Variants in ATAD1 observed in about 807,000 individuals in gnomAD.
ATAD1 encodes the protein outer mitochondrial transmembrane helix translocase.
In ATAD1, 18 loss-of-function variants were observed where a neutral mutation model predicts 42.7. The observed-to-expected ratio is 0.42, with a 90% CI of 0.29 to 0.63. The LOEUF is 0.63. Ranked by LOEUF, ATAD1 falls within the 20% of genes least tolerant of loss-of-function variation. The pLI is 0.19. For missense variants in ATAD1, 294 were observed against 440.4 expected (o/e 0.67, Z 2.98); for synonymous variants, 132 against 143.1 (o/e 0.92, Z 0.55).
intron 1 of ATAD1, among the ~76,000 whole-genome samples, chr10:87,834,944 C>A (rs1406672547): frequency 6.6e-6 from 1 of 151,848 alleles, no homozygotes; most frequent in Non-Finnish European, 1.5e-5. Context: ...GAATCCTATT[C>A]CACAAATTTT....
At chr10:87,819,282 A>AAAAAAC (rs1857575950), upstream of ATAD1, 2 of 150,566 alleles carry the variant, frequency 1.3e-5, no homozygotes, top group Admixed American at 1.3e-4. Context: ...AAAAAAAAAA[A>AAAAAAC]AAAAAAAAAC....
At chr10:87,766,566 T>G (rs1854759515) in intron 8 of ATAD1, among the ~76,000 whole-genome samples, 1 of 152,178 alleles carries the variant, frequency 6.6e-6, no homozygotes, top group African/African-American at 2.4e-5. Context: ...AAATAACATA[T>G]GAGGCCAGGA....
chr10:87,797,958 C>T (rs1161197641), intron 2 of ATAD1, among the ~76,000 whole-genome samples: 1 of 152,094 alleles, frequency 6.6e-6, no homozygotes, highest in Non-Finnish European at 1.5e-5. Context: ...TTTGCTCCCC[C>T]CAGCCAAAAG....
chr10:87,790,958 C>T (rs1248187137), intron 3 of ATAD1, among the ~76,000 whole-genome samples: 4 of 142,726 alleles, frequency 2.8e-5, no homozygotes, highest in East Asian at 2.1e-4. Flanking sequence ...CCAAGGTGAG[C>T]GGATCACTTG....
chr10:87,781,869 T>A (rs888786532), intron 5 of ATAD1, among the ~76,000 whole-genome samples: 2 of 152,054 alleles, frequency 1.3e-5, no homozygotes, highest in Admixed American at 1.3e-4. Context: ...GGTCTCAAAT[T>A]ATTGGACTCA....
intron 8 of ATAD1, among the ~76,000 whole-genome samples, chr10:87,765,293 TACAGTGAGTTGTA>T (rs1372113734): frequency 1.3e-5 from 2 of 152,230 alleles, no homozygotes; most frequent in Middle Eastern, 6.8e-3. Flanking sequence ...TATTAGTTTA[TACAGTGAGTTGTA>T]ACAGTGAGTT....
At chr10:87,818,361 C>T (rs1450560589), upstream of ATAD1, 6 of 620,342 alleles carry the variant, frequency 9.7e-6, no homozygotes, top group Non-Finnish European at 1.2e-5. Flanking sequence ...ATTCGCGCAC[C>T]TGATGTCTGC....
At chr10:87,775,806 A>G (rs992125093) in intron 6 of ATAD1, among the ~76,000 whole-genome samples, 3 of 152,200 alleles carry the variant, frequency 2.0e-5, no homozygotes, top group African/African-American at 7.2e-5. Flanking sequence ...TCTGTCTCGT[A>G]TAAAATTGGG....
intron 5 of ATAD1, among the ~76,000 whole-genome samples, chr10:87,780,729 T>G (rs758970413): frequency 6.6e-6 from 1 of 152,246 alleles, no homozygotes; most frequent in East Asian, 1.9e-4. Flanking sequence ...TCTGTTGTGT[T>G]TGTATACACA....
intron 8 of ATAD1, among the ~76,000 whole-genome samples, chr10:87,760,256 C>T (rs1854420392): frequency 6.6e-6 from 1 of 152,072 alleles, no homozygotes; most frequent in Admixed American, 6.6e-5. Flanking sequence ...GGGGAGGGAC[C>T]TGGTGGGAAG....
chr10:87,809,167 C>T (rs1164362413), intron 2 of ATAD1, among the ~76,000 whole-genome samples: 2 of 152,090 alleles, frequency 1.3e-5, no homozygotes, highest in Admixed American at 6.5e-5. Flanking sequence ...AATTTATCGA[C>T]GTAACAGTTG....
Position 87,814,516 on chromosome 10 carries a change from T to C in ATAD1, c.84A>G (p.Ala28=). The change falls in exon 2 of 10, where the codon GCA becomes GCG. Residue 28 remains alanine (A), a synonymous_variant. Coordinates refer to ENST00000680024, the MANE Select transcript of ATAD1 (RefSeq NM_001321967.2). ...TCCATTTGATAGTAAAGTATGTCAC[T>C]GCACCAAATATTGTCAAACGGAAAA... The part of the protein sequence containing the change: ...GLIFRLTIFG[A]VTYFTIKWMV... 3 of 1,612,256 alleles carry C rather than the reference T, an allele frequency of 1.9e-6. No homozygotes were observed. Among genetic ancestry groups the C allele is most frequent in the African/African-American group, 2.7e-5 (2 of 74,988 alleles).
chr10:87,820,515 C>T (rs1489571203), upstream of ATAD1, among the ~76,000 whole-genome samples: 3 of 152,130 alleles, frequency 2.0e-5, no homozygotes, highest in East Asian at 1.9e-4. Context: ...CTAGAGACAT[C>T]CTAAATGAAT....
intron 1 of ATAD1, among the ~76,000 whole-genome samples, chr10:87,815,938 G>A (rs762320004): frequency 7.9e-5 from 12 of 151,970 alleles, no homozygotes; most frequent in Admixed American, 2.6e-4. Flanking sequence ...TCCCTTCAGC[G>A]TATCTGTCTA....
intron 9 of ATAD1, among the ~76,000 whole-genome samples, chr10:87,755,910 GAATA>G (rs972526446): frequency 9.2e-5 from 14 of 152,052 alleles, no homozygotes; most frequent in Admixed American, 4.6e-4. Context: ...TCAAAAAAAA[GAATA>G]AAACCTTTGG....
chr10:87,823,266 C>T (rs139906181), intron 1 of ATAD1, among the ~76,000 whole-genome samples: 11 of 152,138 alleles, frequency 7.2e-5, no homozygotes, highest in South Asian at 2.1e-4. Flanking sequence ...TGCATTTCTA[C>T]GTAACCTTTT....
chr10:87,813,985 A>T (rs1473206046), intron 2 of ATAD1, among the ~76,000 whole-genome samples: 3 of 152,096 alleles, frequency 2.0e-5, no homozygotes, highest in Non-Finnish European at 4.4e-5. Flanking sequence ...GCTTATATTA[A>T]TAATCAACAA....
intron 1 of ATAD1, among the ~76,000 whole-genome samples, chr10:87,832,496 A>G (rs1857851268): frequency 6.6e-6 from 1 of 151,976 alleles, no homozygotes; most frequent in Non-Finnish European, 1.5e-5. Flanking sequence ...CCTTTCACCA[A>G]TACTAGATTA....
chr10:87,826,671 T>G (rs1024999808), intron 1 of ATAD1, among the ~76,000 whole-genome samples: 1 of 152,248 alleles, frequency 6.6e-6, no homozygotes, highest in Non-Finnish European at 1.5e-5. Flanking sequence ...TTACATAAAC[T>G]AGCTTTCCAT....
Sources: allele counts gnomAD v4.1 joint callset (sites outside exome capture counted in the v4.1 genomes callset), GRCh38; gene constraint gnomAD v4.1.1; transcripts MANE v1.5; gene names NCBI Gene and HGNC (gene_info 2026-07-23, HGNC 2026-07-21).